The following MKLN1 variants were observed in gnomAD, a reference collection of about 807,000 sequenced individuals.
The protein encoded by MKLN1 is muskelin.
Under a neutral mutation model 99.0 loss-of-function variants are expected in MKLN1, and 18 were observed. The ratio of observed to expected loss-of-function variants is 0.18; its 90% confidence interval spans 0.13 to 0.27. The LOEUF is 0.27. MKLN1 is among the 10% of genes least tolerant of loss of function. The pLI is 1.00. For synonymous variants in MKLN1, 288 were observed against 293.2 expected (o/e 0.98, Z 0.18); for missense variants, 621 against 875.9 (o/e 0.71, Z 3.67).
intron 3 of MKLN1, among the ~76,000 whole-genome samples, chr7:131,237,060 T>C (rs944393199): frequency 6.6e-6 from 1 of 152,148 alleles, no homozygotes; most frequent in African/African-American, 2.4e-5. Context: ...CACTGATTTT[T>C]TGTTTGTTTG....
At chr7:131,228,133 C>T (rs1378622681) in intron 3 of MKLN1, among the ~76,000 whole-genome samples, 2 of 152,120 alleles carry the variant, frequency 1.3e-5, no homozygotes, top group African/African-American at 4.8e-5. Flanking sequence ...GTGCAACCTC[C>T]ACTCAATGCA....
chr7:131,175,226 G>C (rs965217942), intron 2 of MKLN1, among the ~76,000 whole-genome samples: 4 of 103,210 alleles, frequency 3.9e-5, no homozygotes, highest in African/African-American at 1.6e-4. Context: ...GATAGAGAGA[G>C]AGAGATAGAA....
chr7:131,189,528 A>T (rs991456961), intron 2 of MKLN1, among the ~76,000 whole-genome samples: 2 of 41,080 alleles, frequency 4.9e-5, no homozygotes, highest in Non-Finnish European at 1.0e-4. Flanking sequence ...TTATATTAAA[A>T]AACAAACAAA....
At chr7:131,287,089 G>A (rs1211419997) in intron 3 of MKLN1, among the ~76,000 whole-genome samples, 2 of 150,086 alleles carry the variant, frequency 1.3e-5, no homozygotes, top group Non-Finnish European at 2.9e-5. Flanking sequence ...GTAACAGAGT[G>A]AAATGAAACC....
chr7:131,354,422 C>T (rs545546224), intron 1 of MKLN1, among the ~76,000 whole-genome samples: 19 of 150,020 alleles, frequency 1.3e-4, no homozygotes, highest in African/African-American at 4.4e-4. Context: ...TTGGGTTTCA[C>T]ATGTTTAGTG....
chr7:131,450,691 C>T (rs1023724784), intron 12 of MKLN1, among the ~76,000 whole-genome samples: 1 of 152,184 alleles, frequency 6.6e-6, no homozygotes, highest in Non-Finnish European at 1.5e-5. Context: ...CTACCTGAAT[C>T]ACTTTCCTCT....
chr7:131,386,630 C>G (rs1387813259), intron 2 of MKLN1, among the ~76,000 whole-genome samples: 1 of 152,160 alleles, frequency 6.6e-6, no homozygotes, highest in East Asian at 1.9e-4. Context: ...TTAGACGTAT[C>G]TAGAGTAGAT....
chr7:131,115,642 C>A (rs1224363022), intron 1 of MKLN1, among the ~76,000 whole-genome samples: 2 of 152,180 alleles, frequency 1.3e-5, no homozygotes, highest in Non-Finnish European at 2.9e-5. Flanking sequence ...GAGCCCTGTA[C>A]GGCATCCCCG....
chr7:131,484,457 T>TAAGTCATCTCA (rs1266404322), intron 17 of MKLN1, among the ~76,000 whole-genome samples: 1 of 152,188 alleles, frequency 6.6e-6, no homozygotes, highest in African/African-American at 2.4e-5. Flanking sequence ...TGAATCTCTC[T>TAAGTCATCTCA]AAGTCATCTC....
chr7:131,448,985 C>T (rs1295485835), intron 12 of MKLN1, among the ~76,000 whole-genome samples: 1 of 152,178 alleles, frequency 6.6e-6, no homozygotes, highest in African/African-American at 2.4e-5. Context: ...CCTTAGAGGA[C>T]TCACATTCTA....
At chr7:131,312,331 T>A (rs570032046) in intron 3 of MKLN1, among the ~76,000 whole-genome samples, 1 of 152,290 alleles carries the variant, frequency 6.6e-6, no homozygotes, top group East Asian at 1.9e-4. Flanking sequence ...CCCTCAGTTT[T>A]AACTGCATAA....
At chr7:131,480,032 A>C (rs1432533054) in intron 17 of MKLN1, among the ~76,000 whole-genome samples, 3 of 150,500 alleles carry the variant, frequency 2.0e-5, no homozygotes, top group East Asian at 3.9e-4. Flanking sequence ...AAAAAAAAAA[A>C]AAAAAAAAAT....
intron 1 of MKLN1, among the ~76,000 whole-genome samples, chr7:131,123,490 G>A (rs954039834): frequency 1.3e-4 from 20 of 152,170 alleles, no homozygotes; most frequent in Non-Finnish European, 2.5e-4. Context: ...GTGATGGCCT[G>A]GGAAATAGCA....
intron 3 of MKLN1, among the ~76,000 whole-genome samples, chr7:131,321,442 G>A (rs1393121848): frequency 6.6e-6 from 1 of 152,114 alleles, no homozygotes; most frequent in East Asian, 1.9e-4. Flanking sequence ...CAAGGGAAGG[G>A]AGAACATTAG....
At chr7:131,438,097 C>T (rs1795726129) in intron 10 of MKLN1, 100 bp downstream of exon 10, 1 of 832,050 alleles carries the variant, frequency 1.2e-6, no homozygotes, top group African/African-American at 1.7e-5. Flanking sequence ...TCCAGTAGTG[C>T]TTTCCATGAC....
intron 17 of MKLN1, among the ~76,000 whole-genome samples, chr7:131,483,805 G>A (rs1168997627): frequency 6.6e-6 from 1 of 152,228 alleles, no homozygotes; most frequent in Non-Finnish European, 1.5e-5. Context: ...CTGGGGACGT[G>A]TGCATATGGT....
chr7:131,245,521 C>T (rs1797474006), intron 3 of MKLN1, among the ~76,000 whole-genome samples: 1 of 152,160 alleles, frequency 6.6e-6, no homozygotes, highest in Non-Finnish European at 1.5e-5. Context: ...GCGCCCCCCG[C>T]CCCCGGCCTC....
Position 131,429,061 on chromosome 7 carries a change from T to C in MKLN1, c.876T>C (p.Asp292=). 1 of 1,613,972 alleles carries C rather than the reference T, an allele frequency of 6.2e-7. No individual in the cohort carries two copies. Among genetic ancestry groups the C allele is most frequent in the Non-Finnish European group, 8.5e-7 (1 of 1,179,914 alleles). ...TETVYLFGGW[D]GTQDLADFWA... is the part of the protein sequence containing the mutation. ...CTGTTTATTTGTTTGGTGGCTGGGA[T>C]GGAACACAAGATCTTGCTGACTTCT... Residue 292 remains aspartate (D), a synonymous_variant, in exon 9 of 18, where the codon GAT becomes GAC. Coordinates refer to ENST00000352689, the MANE Select transcript of MKLN1 (RefSeq NM_013255.5).
chr7:131,299,828 A>G (rs1243271264), intron 3 of MKLN1, among the ~76,000 whole-genome samples: 1 of 152,246 alleles, frequency 6.6e-6, no homozygotes, highest in Non-Finnish European at 1.5e-5. Context: ...CATTTTCAGC[A>G]ATCGAGAATT....
Sources: gnomAD v4.1 joint callset for allele counts (sites outside exome capture counted in the v4.1 genomes callset) on GRCh38, gnomAD v4.1.1 for gene constraint, MANE v1.5 for transcripts, NCBI Gene and HGNC (gene_info 2026-07-23, HGNC 2026-07-21) for gene names.